The following TENM3 variants were observed in gnomAD, a reference collection of about 807,000 sequenced individuals.
TENM3 encodes teneurin transmembrane protein 3, also known as teneurin-3.
Under a neutral mutation model 255.1 loss-of-function variants are expected in TENM3, and 63 were observed. The ratio of observed to expected loss-of-function variants is 0.25; its 90% confidence interval spans 0.20 to 0.30. TENM3 has a LOEUF of 0.30. TENM3 is among the 10% of genes least tolerant of loss of function. The pLI is 1.00. For synonymous variants in TENM3, 1,306 were observed against 1,322.3 expected (o/e 0.99, Z 0.27); for missense variants, 2,929 against 3,461.1 (o/e 0.85, Z 3.86).
Position 182,502,084 on chromosome 4 carries a change from TC to T in TENM3, c.512-98839del, listed in dbSNP as rs1196156323. 2.0e-5 allele frequency among the ~76,000 whole-genome samples: 3 copies of T among 152,316 alleles called. No individual in the cohort carries two copies. In the East Asian group the frequency reaches 5.8e-4, roughly 29 times the overall value. ...GTATGGAAACTCACTTGTCTGAAAA[TC>T]ATTTGCTCTCAGAATTGTGAAGGCA... On this transcript the variant is annotated intron_variant, in intron 3 of 27. Transcript: ENST00000511685.
chr4:181,818,651 C>T, the TENM3 span, among the ~76,000 whole-genome samples: 1 of 151,440 alleles, frequency 6.6e-6, no homozygotes, highest in African/African-American at 2.4e-5. Flanking sequence ...CTATTGTCAC[C>T]CAGGCTGGAG....
the TENM3 span, among the ~76,000 whole-genome samples, chr4:181,964,134 G>A: frequency 7.0e-6 from 1 of 143,840 alleles, no homozygotes; most frequent in African/African-American, 2.6e-5. Context: ...GATGTACCTT[G>A]AAAAAAAAAT....
chr4:182,075,213 T>TTTTG, the TENM3 span, among the ~76,000 whole-genome samples: 2 of 149,750 alleles, frequency 1.3e-5, no homozygotes. Context: ...TTTTTTTTTT[T>TTTTG]TTTGAGATGG....
chr4:181,734,610 A>G, the TENM3 span, among the ~76,000 whole-genome samples: 16 of 152,306 alleles, frequency 1.1e-4, no homozygotes, highest in African/African-American at 2.4e-4. Context: ...CATATTTTAC[A>G]TGTAAGTACA....
At chr4:182,482,108 A>T (rs933668896) in intron 3 of TENM3, among the ~76,000 whole-genome samples, 2 of 152,204 alleles carry the variant, frequency 1.3e-5, no homozygotes, top group Non-Finnish European at 2.9e-5. Flanking sequence ...CCAATTATAC[A>T]TTGAATTTTA....
At chr4:182,395,567 T>C (rs1178686485) in intron 3 of TENM3, among the ~76,000 whole-genome samples, 1 of 152,188 alleles carries the variant, frequency 6.6e-6, no homozygotes, top group Non-Finnish European at 1.5e-5. Flanking sequence ...TGCACTTTGA[T>C]AGGGGAGATG....
chr4:182,515,035 C>A (rs1737797818), intron 3 of TENM3, among the ~76,000 whole-genome samples: 1 of 152,030 alleles, frequency 6.6e-6, no homozygotes, highest in Admixed American at 6.6e-5. Flanking sequence ...GTGTCAAATG[C>A]CAATAATGCA....
At chr4:181,891,926 G>A in the TENM3 span, among the ~76,000 whole-genome samples, 464 of 152,196 alleles carry the variant, frequency 3.0e-3, 2 homozygotes, top group African/African-American at 0.01. Context: ...CCTTCCTCAT[G>A]TATTGGATTA....
chr4:182,117,372 A>G, the TENM3 span, among the ~76,000 whole-genome samples: 2 of 152,186 alleles, frequency 1.3e-5, no homozygotes, highest in African/African-American at 4.8e-5. Context: ...CTAATAAGTC[A>G]TTGCCAAAGC....
chr4:181,918,086 A>G, the TENM3 span, among the ~76,000 whole-genome samples: 1 of 152,158 alleles, frequency 6.6e-6, no homozygotes, highest in Non-Finnish European at 1.5e-5. Flanking sequence ...AAAGTCTTTC[A>G]TGGACTTACT....
At chr4:182,137,824 C>T in the TENM3 span, among the ~76,000 whole-genome samples, 3 of 152,188 alleles carry the variant, frequency 2.0e-5, no homozygotes, top group African/African-American at 7.2e-5. Flanking sequence ...ACATCCATAA[C>T]TTAGTACTAT....
chr4:182,178,897 A>G (rs2149729337), intron 1 of TENM3, among the ~76,000 whole-genome samples: 1 of 152,340 alleles, frequency 6.6e-6, no homozygotes. Flanking sequence ...TTTCTGTTCC[A>G]GATATTTAAA....
chr4:181,458,802 G>C, the TENM3 span, among the ~76,000 whole-genome samples: 3 of 151,862 alleles, frequency 2.0e-5, no homozygotes, highest in East Asian at 5.8e-4. Flanking sequence ...ATGCACCAAT[G>C]AATGGGCTTT....
chr4:182,659,918 C>T (rs1754080716), intron 6 of TENM3, among the ~76,000 whole-genome samples: 1 of 152,132 alleles, frequency 6.6e-6, no homozygotes, highest in South Asian at 2.1e-4. Context: ...CGAGCCTCAC[C>T]ACCTGATGTG....
At chr4:181,787,616 A>G in the TENM3 span, among the ~76,000 whole-genome samples, 1 of 152,146 alleles carries the variant, frequency 6.6e-6, no homozygotes, top group Non-Finnish European at 1.5e-5. Flanking sequence ...CTGAGATTAC[A>G]AGCGTGAGCC....
At chr4:182,686,184 TG>T (rs1283219862) in intron 11 of TENM3, among the ~76,000 whole-genome samples, 5 of 152,040 alleles carry the variant, frequency 3.3e-5, no homozygotes, top group Admixed American at 3.3e-4. Context: ...AGTAGTATAA[TG>T]AATATAATAC....
At chr4:181,827,129 T>C in the TENM3 span, among the ~76,000 whole-genome samples, 5 of 152,174 alleles carry the variant, frequency 3.3e-5, no homozygotes, top group Non-Finnish European at 2.9e-5. Flanking sequence ...CAAGGTCATG[T>C]ACAGGAAAGC....
At chr4:182,797,960 C>CGT (rs10658826) in intron 27 of TENM3, among the ~76,000 whole-genome samples, 5,146 of 152,188 alleles carry the variant, frequency 0.034, 129 homozygotes, top group Non-Finnish European at 0.049. Context: ...CAAATATAGT[C>CGT]GTGTGTGTGC....
At chr4:182,240,227 C>CT (rs1757155259), upstream of TENM3, among the ~76,000 whole-genome samples, 2 of 152,132 alleles carry the variant, frequency 1.3e-5, no homozygotes, top group African/African-American at 4.8e-5. Context: ...GTCACTGACT[C>CT]TGAGTTTGGG....
Sources: allele counts gnomAD v4.1 joint callset (sites outside exome capture counted in the v4.1 genomes callset), GRCh38; gene constraint gnomAD v4.1.1; transcripts MANE v1.5; gene names NCBI Gene and HGNC (gene_info 2026-07-23, HGNC 2026-07-21).